The following DOCK9 variants were observed in gnomAD, a reference collection of about 807,000 sequenced individuals.
The protein encoded by DOCK9 is dedicator of cytokinesis 9.
Under a neutral mutation model 263.3 loss-of-function variants are expected in DOCK9, and 89 were observed. The observed-to-expected ratio is 0.34, with a 90% CI of 0.28 to 0.40. DOCK9 has a LOEUF of 0.40. Ranked by LOEUF, DOCK9 falls within the 10% of genes least tolerant of loss-of-function variation. The pLI, the probability that DOCK9 is intolerant of heterozygous loss-of-function variation, is 1.00. For missense variants in DOCK9, 2,140 were observed against 2,603.4 expected (o/e 0.82, Z 3.87); for synonymous variants, 976 against 973.1 (o/e 1.00, Z -0.06).
intron 1 of DOCK9, among the ~76,000 whole-genome samples, chr13:98,995,998 G>A (rs927810138): frequency 6.6e-5 from 10 of 152,156 alleles, no homozygotes; most frequent in African/African-American, 1.7e-4. Context: ...GCACGGTGCA[G>A]ATCATATTGG....
rs1442073119 is a variant in DOCK9, at chr13:98,802,333, T to C, written c.5726-1855A>G. ...GAACATGGTCAGTGTGCAATACATT[T>C]TGTTGAATGAATGAATGCATTACTG... is the stretch of plus-strand genomic sequence containing the variant. On this transcript the variant is annotated intron_variant, in intron 49 of 52. Coordinates refer to ENST00000682017, the MANE Select transcript of DOCK9 (RefSeq NM_001366683.2). Among the ~76,000 whole-genome samples, 3 of 152,230 alleles carry C rather than the reference T, an allele frequency of 2.0e-5. No homozygotes were observed. The East Asian group carries it at 5.8e-4, about 29-fold the overall frequency.
intron 9 of DOCK9, among the ~76,000 whole-genome samples, chr13:98,910,351 G>A (rs976852452): frequency 2.0e-5 from 3 of 152,086 alleles, no homozygotes; most frequent in Non-Finnish European, 4.4e-5. Context: ...AAATTGTTTG[G>A]TTCCATAATA....
chr13:98,996,198 G>A (rs1352948483), intron 1 of DOCK9, among the ~76,000 whole-genome samples: 3 of 152,158 alleles, frequency 2.0e-5, no homozygotes, highest in Admixed American at 6.5e-5. Context: ...GAAAGTGAAT[G>A]TCATCACCTA....
chr13:98,993,015 C>T (rs1254880496), intron 1 of DOCK9, among the ~76,000 whole-genome samples: 2 of 152,094 alleles, frequency 1.3e-5, no homozygotes, highest in African/African-American at 4.8e-5. Flanking sequence ...TGAAGCAGCA[C>T]CCCCAGCATG....
At chr13:98,920,316 C>A (rs1233633735) in intron 7 of DOCK9, among the ~76,000 whole-genome samples, 1 of 152,174 alleles carries the variant, frequency 6.6e-6, no homozygotes, top group African/African-American at 2.4e-5. Flanking sequence ...CCTATGATAA[C>A]AAAACTATCT....
Position 98,845,946 on chromosome 13 carries a change from A to C in DOCK9, c.4176T>G (p.Asp1392Glu). Residue 1392 changes from aspartate to glutamate, a missense_variant, in exon 38 of 53, where the codon GAT (aspartate) becomes GAG (glutamate). Physicochemically the swap from Asp to Glu is conservative, Grantham distance 45. Around this residue, in one of 2 missense-constraint regions of DOCK9, gnomAD observed 1,521 missense variants for 1,741.7 expected, o/e 0.87. Transcript: ENST00000682017. ...TACTGTGGTTAAAAGTGAGAGAGTT[A>C]TCCAGGCTGCCCAGCTGCTGCAATC... ...HARLQQLGSL[D>E]NSLTFNHSYG... 1 of 1,613,572 alleles carries C rather than the reference A, an allele frequency of 6.2e-7. No individual in the cohort carries two copies.
intron 45 of DOCK9, among the ~76,000 whole-genome samples, chr13:98,817,050 G>C (rs527357363): frequency 3.8e-4 from 58 of 152,268 alleles, no homozygotes; most frequent in South Asian, 8.3e-4. Context: ...TATTATATAA[G>C]GAAGATCTTA....
chr13:99,052,594 T>G (rs35282243), intron 1 of DOCK9, among the ~76,000 whole-genome samples: 16,642 of 152,062 alleles, frequency 0.11, 1,114 homozygotes, highest in South Asian at 0.19. Context: ...CCCTTTTTTT[T>G]GGGGAGGTTT....
In DOCK9 at chr13:98,902,985, CCTT is replaced by C; in HGVS notation, c.1160_1162del (p.Glu387del). On this transcript the variant is annotated inframe_deletion, in exon 11 of 53. Coordinates refer to ENST00000682017, the MANE Select transcript of DOCK9 (RefSeq NM_001366683.2). ...ATGAAAAATTACATTTGTAGTGGGT[CCTT>C]CTTCATTTTCGGCAACACAGCATTG... The C allele has an allele frequency of 3.3e-6, 5 of 1,511,734 alleles. No individual in the cohort carries two copies. Among genetic ancestry groups the C allele is most frequent in the Non-Finnish European group, 4.4e-6 (5 of 1,135,536 alleles). The allele number at this position is 1,511,734 out of a possible 1,614,324, so 93.6% of individuals were successfully genotyped here. A position where few individuals can be genotyped will look rare whatever the true frequency, so the allele number is the denominator to read the frequency against.
At chr13:99,060,061 A>ATTTT (rs2041111530) in intron 1 of DOCK9, among the ~76,000 whole-genome samples, 2 of 69,318 alleles carry the variant, frequency 2.9e-5, no homozygotes, top group Admixed American at 1.5e-4. Context: ...GATTGTTTCT[A>ATTTT]CTTTTTTTTT....
chr13:98,924,402 A>G (rs2052586022), intron 4 of DOCK9, among the ~76,000 whole-genome samples: 1 of 152,266 alleles, frequency 6.6e-6, no homozygotes, highest in Non-Finnish European at 1.5e-5. Flanking sequence ...TCAGGTCTCA[A>G]GTAATATTTT....
At chr13:98,859,388 C>G (rs1266764510) in intron 33 of DOCK9, 1 of 152,112 alleles carries the variant, frequency 6.6e-6, no homozygotes, top group Non-Finnish European at 1.5e-5. Flanking sequence ...AAATATCAAC[C>G]AGGTTAAGGA....
intron 35 of DOCK9, among the ~76,000 whole-genome samples, chr13:98,852,948 A>T (rs1393349200): frequency 6.6e-6 from 1 of 152,232 alleles, no homozygotes. Context: ...TTGAGCCAGG[A>T]ATATACACAC....
intron 45 of DOCK9, among the ~76,000 whole-genome samples, chr13:98,814,967 A>ACCTT (rs56032685): frequency 6.7e-6 from 1 of 149,474 alleles, no homozygotes. Flanking sequence ...AAATAAAATA[A>ACCTT]AATAAAATAA....
At chr13:98,812,172 G>GT (rs137892255) in intron 45 of DOCK9, among the ~76,000 whole-genome samples, 360 of 121,434 alleles carry the variant, frequency 3.0e-3, no homozygotes, top group Middle Eastern at 0.021. Flanking sequence ...ACTTTAATGG[G>GT]TTTTTTTTTT....
At chr13:98,913,021 G>T (rs1414960288) in intron 9 of DOCK9, among the ~76,000 whole-genome samples, 2 of 152,160 alleles carry the variant, frequency 1.3e-5, no homozygotes, top group African/African-American at 2.4e-5. Context: ...CTAGGAGGTG[G>T]TTTACAATGG....
chr13:98,951,450 T>C (rs567229103), intron 2 of DOCK9, among the ~76,000 whole-genome samples: 1 of 152,308 alleles, frequency 6.6e-6, no homozygotes, highest in East Asian at 1.9e-4. Context: ...AGAAAGGGAT[T>C]TTGTGCATGT....
chr13:99,010,937 G>A (rs973811210), intron 1 of DOCK9, among the ~76,000 whole-genome samples: 6 of 152,096 alleles, frequency 3.9e-5, no homozygotes, highest in Non-Finnish European at 7.4e-5. Context: ...TCACTCAGTC[G>A]CCCAGGCCGG....
intron 1 of DOCK9, among the ~76,000 whole-genome samples, chr13:99,052,024 T>C (rs921359873): frequency 7.2e-5 from 11 of 152,216 alleles, no homozygotes; most frequent in African/African-American, 1.9e-4. Context: ...GCCAAACTGA[T>C]ATTCAGCCAA....
Sources: allele counts gnomAD v4.1 joint callset (sites outside exome capture counted in the v4.1 genomes callset), GRCh38; gene constraint gnomAD v4.1.1; regional missense constraint gnomAD v4.1.1; transcripts MANE v1.5; gene names NCBI Gene and HGNC (gene_info 2026-07-23, HGNC 2026-07-21).